MIER1: variants seen among roughly 807,000 people sequenced by gnomAD.
MIER1 encodes the protein mesoderm induction early response protein 1.
MIER1 carries 40 observed loss-of-function variants against 75.7 expected under a neutral mutation model. That is an observed-to-expected ratio of 0.53 (90% confidence interval 0.41 to 0.69). The LOEUF is 0.69. MIER1 is among the 30% of genes least tolerant of loss of function. The probability of loss-of-function intolerance (pLI) is 0.00; values close to 1 mark genes in which losing one functional copy is unlikely to be tolerated. For missense variants in MIER1, 574 were observed against 680.2 expected (o/e 0.84, Z 1.74); for synonymous variants, 213 against 223.4 (o/e 0.95, Z 0.42).
intron 2 of MIER1, among the ~76,000 whole-genome samples, chr1:66,929,389 T>A (rs971458577): frequency 6.6e-6 from 1 of 152,264 alleles, no homozygotes; most frequent in African/African-American, 2.4e-5. Flanking sequence ...ATGTCACCTT[T>A]GTGTTATTCA....
intron 7 of MIER1, among the ~76,000 whole-genome samples, chr1:66,962,608 G>A (rs1388239628): frequency 2.0e-5 from 3 of 152,090 alleles, no homozygotes; most frequent in African/African-American, 7.2e-5. Context: ...CTTGAGCCTG[G>A]GAGGTCGAGG....
chr1:66,976,449 A>G (rs1324724862), intron 11 of MIER1, 146 bp from the exon 12 acceptor site: 2 of 551,756 alleles, frequency 3.6e-6, no homozygotes, highest in Admixed American at 3.9e-5. Flanking sequence ...ATAGCTTTCA[A>G]CATAGCTGCT....
chr1:66,962,484 C>T (rs1414032821), intron 7 of MIER1, among the ~76,000 whole-genome samples: 1 of 152,102 alleles, frequency 6.6e-6, no homozygotes, highest in African/African-American at 2.4e-5. Context: ...CCCAGAGTTT[C>T]AGTAGGTTTG....
chr1:66,985,578 GA>G lies in MIER1; in HGVS notation c.*681del. The G allele has an allele frequency of 1.0e-6, 1 of 985,296 alleles. No homozygotes were observed. Among genetic ancestry groups the G allele is most frequent in the South Asian group, 4.7e-5 (1 of 21,278 alleles). The allele number at this position is 985,296 out of a possible 1,614,324, so 61.0% of individuals were successfully genotyped here. ...TTTTTCCAGATTCTTTGTAGCCTTT[GA>G]AAGATTTTTACAGTACATATGTCTT... On this transcript the variant is annotated 3_prime_UTR_variant, in exon 14 of 14. Transcript: ENST00000401041.
chr1:66,946,845 A>G, intron 4 of MIER1: 2 of 985,002 alleles, frequency 2.0e-6, no homozygotes, highest in Non-Finnish European at 2.4e-6. Flanking sequence ...ATAGTTTAAC[A>G]TTCCCTTCTT....
chr1:66,941,231 G>T (rs1358029584), intron 3 of MIER1, among the ~76,000 whole-genome samples: 1 of 152,054 alleles, frequency 6.6e-6, no homozygotes, highest in African/African-American at 2.4e-5. Context: ...TTGTCCTTTT[G>T]ATTTCAGCTG....
chr1:66,930,218 A>G, intron 2 of MIER1: 2 of 1,381,562 alleles, frequency 1.4e-6, no homozygotes, highest in African/African-American at 1.5e-5. Flanking sequence ...GAGGGGGCGG[A>G]GTGGGGTGTG....
At chr1:66,953,825 A>G (rs946416816) in intron 4 of MIER1, among the ~76,000 whole-genome samples, 1 of 151,932 alleles carries the variant, frequency 6.6e-6, no homozygotes, top group Non-Finnish European at 1.5e-5. Flanking sequence ...GCCGGTCTTG[A>G]ACTCCTGATC....
At chr1:66,957,392 G>A (rs1481330822) in intron 4 of MIER1, among the ~76,000 whole-genome samples, 1 of 152,090 alleles carries the variant, frequency 6.6e-6, no homozygotes, top group Non-Finnish European at 1.5e-5. Flanking sequence ...TAACTTGTGT[G>A]ATTTGTGAAG....
In MIER1 at chr1:66,937,251, A is replaced by T. The variant is rs116622296; in HGVS notation, c.169-2777A>T. 1.8e-3 allele frequency among the ~76,000 whole-genome samples: 277 copies of T among 152,182 alleles called. 2 individuals carry two copies. Among genetic ancestry groups the T allele is most frequent in the African/African-American group, 6.1e-3 (254 of 41,526 alleles). ...GGTGGGCAGGGCAGGTATTATTCCT[A>T]TATTTATGATTATGATCAGCTAACT... On this transcript the variant is annotated intron_variant, in intron 2 of 13. Coordinates refer to ENST00000401041, the MANE Select transcript of MIER1 (RefSeq NM_001077700.3).
Position 66,930,461 on chromosome 1 carries a change from G to A in MIER1, c.168+4219G>A, listed in dbSNP as rs1244198283. ...CGGGCGCCCCCGGCCCTGGGCCGGG[G>A]AGGAGTGGAGTGGGCCTGGCCAGGA... is the stretch of plus-strand genomic sequence containing the variant. On this transcript the variant is annotated intron_variant, in intron 2 of 13. Transcript: ENST00000401041. The A allele has an allele frequency of 2.5e-6, 4 of 1,576,584 alleles. No homozygotes were observed. The East Asian group carries it at 9.3e-5, about 36-fold the overall frequency.
At chr1:66,980,297 A>G (rs1457123600) in intron 12 of MIER1, among the ~76,000 whole-genome samples, 1 of 152,240 alleles carries the variant, frequency 6.6e-6, no homozygotes, top group African/African-American at 2.4e-5. Context: ...ATATAGATTT[A>G]TAGGTATTCA....
Position 66,979,113 on chromosome 1 carries a change from G to A in MIER1, c.1229+2391G>A, listed in dbSNP as rs11208982. Among the ~76,000 whole-genome samples the A allele has an allele frequency of 2.8e-3, 431 of 151,712 alleles. 2 individuals carry two copies. Among genetic ancestry groups the A allele is most frequent in the African/African-American group, 0.01 (418 of 41,366 alleles). ...CACTGGGTTGTTTTTTTTTTATAAA[G>A]TTTATTTAACTGAAAGAATCATACT... On this transcript the variant is annotated intron_variant, in intron 12 of 13. Coordinates refer to ENST00000401041, the MANE Select transcript of MIER1 (RefSeq NM_001077700.3).
At chr1:66,937,123 A>G (rs1259605120) in intron 2 of MIER1, among the ~76,000 whole-genome samples, 1 of 152,152 alleles carries the variant, frequency 6.6e-6, no homozygotes, top group Admixed American at 6.5e-5. Flanking sequence ...TAAAAGGTAT[A>G]GAAGGAAGAG....
chr1:66,970,859 A>G lies in MIER1; in HGVS notation c.824A>G (p.Asp275Gly). The G allele has an allele frequency of 3.1e-6, 5 of 1,597,500 alleles. No individual in the cohort carries two copies. Among genetic ancestry groups the G allele is most frequent in the South Asian group, 1.1e-5 (1 of 88,348 alleles). The change falls in exon 9 of 14, where the codon GAT becomes GGT. Residue 275 changes from aspartate (D) to glycine (G), a missense_variant. Physicochemically the swap from Asp to Gly is moderately conservative, Grantham distance 94 (BLOSUM62 -1). This residue lies in a region of MIER1 where 309 missense variants were observed against 352.8 expected (regional missense o/e 0.88). Transcript: ENST00000401041. ...LLWDPEYLPEDKVIIFLKDAS... is the reference protein window; with the variant it reads ...LLWDPEYLPEGKVIIFLKDAS... ...TGGGACCCTGAGTACTTACCAGAAG[A>G]TAAAGTGATTATATTTCTTAAAGAT...
rs17129563 is a variant in MIER1, at chr1:66,984,748, A to G, written c.1546A>G (p.Arg516Gly). The G allele has an allele frequency of 0.02, 32,931 of 1,614,016 alleles. 398 individuals carry two copies. Among genetic ancestry groups the G allele is most frequent in the Non-Finnish European group, 0.025 (29,396 of 1,179,918 alleles). ...TDPKLAHMTA[R>G]NENDFDEKSE... ...CCCAAAACTTGCCCATATGACTGCAAGAAATGAAAATGATTTTGATGAAAA... is the reference window on the plus strand; with the variant it reads ...CCCAAAACTTGCCCATATGACTGCAGGAAATGAAAATGATTTTGATGAAAA... The change falls in exon 14 of 14, where the codon AGA becomes GGA. Residue 516 changes from arginine (R) to glycine (G), a missense_variant. This residue lies in a region of MIER1 where 164 missense variants were observed against 154.3 expected (regional missense o/e 1.06). Coordinates refer to ENST00000401041, the MANE Select transcript of MIER1 (RefSeq NM_001077700.3).
chr1:66,938,041 C>T (rs912168619), intron 2 of MIER1, among the ~76,000 whole-genome samples: 1 of 152,112 alleles, frequency 6.6e-6, no homozygotes, highest in Non-Finnish European at 1.5e-5. Context: ...CTAATGTTAC[C>T]TTTGAACACT....
Position 66,984,909 on chromosome 1 carries a change from C to T in MIER1, c.*9C>T, listed in dbSNP as rs372228568. ...AAAACACAGATGACTAAATTTTAGA[C>T]CTATTTTACTTTCTTTGGAGTAAAT... is the stretch of plus-strand genomic sequence containing the variant. On this transcript the variant is annotated 3_prime_UTR_variant, in exon 14 of 14. Transcript: ENST00000401041. 3 of 1,566,714 alleles carry T rather than the reference C, an allele frequency of 1.9e-6. No individual in the cohort carries two copies. In the African/African-American group the frequency reaches 4.1e-5, roughly 22 times the overall value.
At chr1:66,979,108 A>T (rs1242178354) in intron 12 of MIER1, among the ~76,000 whole-genome samples, 2 of 149,910 alleles carry the variant, frequency 1.3e-5, no homozygotes, top group Non-Finnish European at 1.5e-5. Context: ...TTTTTTTTTT[A>T]TAAAGTTTAT....
Sources: gnomAD v4.1 joint callset for allele counts (sites outside exome capture counted in the v4.1 genomes callset) on GRCh38, gnomAD v4.1.1 for gene constraint, gnomAD v4.1.1 regional missense constraint, MANE v1.5 for transcripts, NCBI Gene and HGNC (gene_info 2026-07-23, HGNC 2026-07-21) for gene names.